MTMR2: variants seen among roughly 807,000 people sequenced by gnomAD.
MTMR2 encodes the protein myotubularin related protein 2, also known as phosphatidylinositol-3,5-bisphosphate 3-phosphatase MTMR2.
MTMR2 carries 55 observed loss-of-function variants against 86.9 expected under a neutral mutation model. That is an observed-to-expected ratio of 0.63 (90% CI 0.51 to 0.79). MTMR2 has a LOEUF of 0.79. MTMR2 is among the 30% of genes least tolerant of loss of function. MTMR2 has a pLI of 0.00. For missense variants in MTMR2, 659 were observed against 772.3 expected (o/e 0.85, Z 1.74); for synonymous variants, 241 against 266.8 (o/e 0.90, Z 0.94).
intron 9 of MTMR2, 33 bp from the exon 10 acceptor site, chr11:95,847,932 A>G: frequency 6.4e-7 from 1 of 1,558,088 alleles, no homozygotes; most frequent in Non-Finnish European, 8.8e-7. Flanking sequence ...GAAAATCATA[A>G]ATGAATGCAC....
chr11:95,893,343 TA>T (rs1591029899), intron 1 of MTMR2, among the ~76,000 whole-genome samples: 1 of 152,156 alleles, frequency 6.6e-6, no homozygotes, highest in African/African-American at 2.4e-5. Context: ...TTGAGGAAAT[TA>T]ATCTTTGACT....
intron 1 of MTMR2, among the ~76,000 whole-genome samples, chr11:95,896,387 C>T (rs1177203652): frequency 1.3e-5 from 2 of 151,494 alleles, no homozygotes; most frequent in East Asian, 3.9e-4. Context: ...GCAATCATAG[C>T]TCTGTGCAGC....
At chr11:95,875,977 G>A (rs1169383703) in intron 2 of MTMR2, among the ~76,000 whole-genome samples, 2 of 152,206 alleles carry the variant, frequency 1.3e-5, no homozygotes, top group African/African-American at 4.8e-5. Context: ...TCTCAGAGAA[G>A]TACCCGGCCA....
intron 2 of MTMR2, among the ~76,000 whole-genome samples, chr11:95,883,446 TTTTTAAG>T (rs2135537228): frequency 6.6e-6 from 1 of 152,312 alleles, no homozygotes; most frequent in South Asian, 2.1e-4. Flanking sequence ...GAATACTACA[TTTTTAAG>T]TTTTAAAACT....
At chr11:95,869,822 A>G (rs934195849) in intron 2 of MTMR2, among the ~76,000 whole-genome samples, 2 of 139,400 alleles carry the variant, frequency 1.4e-5, no homozygotes, top group African/African-American at 6.6e-5. Context: ...GTATGGGTCC[A>G]TTTATATGAA....
chr11:95,843,556 T>C (rs1863642438), intron 11 of MTMR2, among the ~76,000 whole-genome samples: 1 of 152,196 alleles, frequency 6.6e-6, no homozygotes, highest in Non-Finnish European at 1.5e-5. Flanking sequence ...GCTATTAAAA[T>C]ACTTTCTGCT....
At chr11:95,854,409 T>C (rs1294187983) in intron 7 of MTMR2, among the ~76,000 whole-genome samples, 1 of 152,202 alleles carries the variant, frequency 6.6e-6, no homozygotes, top group Non-Finnish European at 1.5e-5. Flanking sequence ...TCCAAGTTTG[T>C]TAAGTAATGC....
At chr11:95,882,761 C>T (rs1343816757) in intron 2 of MTMR2, among the ~76,000 whole-genome samples, 1 of 146,188 alleles carries the variant, frequency 6.8e-6, no homozygotes, top group Admixed American at 6.8e-5. Context: ...CTCACTCTGT[C>T]GCCCAGGCTG....
chr11:95,886,766 G>A lies in MTMR2; in HGVS notation c.186+1390C>T, dbSNP rs1250957680. Among the ~76,000 whole-genome samples, 3 of 152,244 alleles carry A rather than the reference G, an allele frequency of 2.0e-5. No individual in the cohort carries two copies. In the East Asian group the frequency reaches 5.8e-4, roughly 29 times the overall value. ...ACTAAATAAATCTGACCAGAAGTAT[G>A]CCAAGACATTTCAAAATTATTAAGA... On this transcript the variant is annotated intron_variant, in intron 2 of 14. Transcript: ENST00000346299.
At position 95,872,646 on chromosome 11, in the gene MTMR2, C is replaced by A. The variant is rs573797715; in HGVS notation, c.187-6970G>T. ...ATTGCCCTGGCCAGAACTTCCAACA[C>A]TATGTTGAATAGGAGTGGTGAGAGA... On this transcript the variant is annotated intron_variant, in intron 2 of 14. Transcript: ENST00000346299. 1.0e-3 allele frequency among the ~76,000 whole-genome samples: 153 copies of A among 152,304 alleles called. 1 individual carries two copies. Among genetic ancestry groups the A allele is most frequent in the African/African-American group, 3.5e-3 (147 of 41,574 alleles).
intron 1 of MTMR2, among the ~76,000 whole-genome samples, chr11:95,916,517 T>C (rs984387518): frequency 4.6e-5 from 7 of 152,182 alleles, no homozygotes; most frequent in African/African-American, 1.4e-4. Flanking sequence ...ATCTGGGTCC[T>C]TGATACTTCA....
At chr11:95,888,323 A>T in intron 1 of MTMR2, 62 bp from the exon 2 acceptor site, 2 of 1,058,574 alleles carry the variant, frequency 1.9e-6, no homozygotes, top group Non-Finnish European at 2.9e-6. Flanking sequence ...AATTTCAGAC[A>T]TTGTATTTAA....
chr11:95,905,330 C>T (rs200126016), intron 1 of MTMR2, among the ~76,000 whole-genome samples: 2 of 61,508 alleles, frequency 3.3e-5, no homozygotes, highest in African/African-American at 1.2e-4. Flanking sequence ...CACGCACCTG[C>T]GCACACACAC....
At chr11:95,903,619 C>A (rs573296282) in intron 1 of MTMR2, among the ~76,000 whole-genome samples, 1 of 152,162 alleles carries the variant, frequency 6.6e-6, no homozygotes, top group Non-Finnish European at 1.5e-5. Context: ...ATTACTATTT[C>A]ATATTTTCTT....
chr11:95,841,605 C>T lies in MTMR2; in HGVS notation c.1479+12G>A, dbSNP rs763917620. ...AGGAGATGTGTAAGAATACATAGGC[C>T]AGATAAATTACCTGTCTTGTCATCT... On this transcript the variant is annotated intron_variant, in intron 12 of 14. Transcript: ENST00000346299. The T allele has an allele frequency of 2.6e-5, 40 of 1,566,460 alleles. No individual in the cohort carries two copies. Among genetic ancestry groups the T allele is most frequent in the Non-Finnish European group, 3.4e-5 (39 of 1,139,800 alleles).
Position 95,860,180 on chromosome 11 carries a change from T to G in MTMR2, c.469-1548A>C, listed in dbSNP as rs1021552084. On this transcript the variant is annotated intron_variant, in intron 5 of 14. Transcript: ENST00000346299. The stretch of plus-strand genomic sequence containing the variant: ...TGCTTGACACATGGTTGCCAGCGAT[T>G]ACACTCACAGAGCCCTTCTGACTAT... Among the ~76,000 whole-genome samples the G allele has an allele frequency of 3.5e-4, 54 of 152,160 alleles. 1 individual carries two copies. The highest frequency in any genetic ancestry group is 1.0e-4 in the Non-Finnish European group (7 of 68,022).
chr11:95,839,072 C>G (rs1258985200), intron 12 of MTMR2, among the ~76,000 whole-genome samples: 1 of 151,902 alleles, frequency 6.6e-6, no homozygotes, highest in Non-Finnish European at 1.5e-5. Flanking sequence ...CATCTTAGAT[C>G]CCTTCCTTTA....
intron 2 of MTMR2, among the ~76,000 whole-genome samples, chr11:95,872,671 A>AGAT (rs1418006252): frequency 6.6e-6 from 1 of 152,180 alleles, no homozygotes; most frequent in East Asian, 1.9e-4. Flanking sequence ...GTGGTGAGAG[A>AGAT]GGGCATCCCT....
At chr11:95,868,273 T>TAAAAAAAAAAAA (rs555618890) in intron 2 of MTMR2, among the ~76,000 whole-genome samples, 8 of 42,218 alleles carry the variant, frequency 1.9e-4, no homozygotes, top group Admixed American at 4.5e-4. Flanking sequence ...GACCCTGTGC[T>TAAAAAAAAAAAA]AAAAAAAAAA....
Sources: gnomAD v4.1 joint callset for allele counts (sites outside exome capture counted in the v4.1 genomes callset) on GRCh38, gnomAD v4.1.1 for gene constraint, MANE v1.5 for transcripts, NCBI Gene and HGNC (gene_info 2026-07-23, HGNC 2026-07-21) for gene names.